SLC35F1: variants seen among roughly 807,000 people sequenced by gnomAD.
SLC35F1 encodes solute carrier family 35 member F1.
Under a neutral mutation model 48.7 loss-of-function variants are expected in SLC35F1, and 14 were observed. The observed-to-expected ratio is 0.29, with a 90% confidence interval of 0.19 to 0.45. The LOEUF (loss-of-function observed/expected upper bound fraction) is 0.45, where lower values mean the gene tolerates loss of function less well. Among genes scored for constraint, SLC35F1 ranks in the 20% least tolerant of loss-of-function variants. The probability of loss-of-function intolerance (pLI) is 1.00; values close to 1 mark genes in which losing one functional copy is unlikely to be tolerated. For synonymous variants in SLC35F1, 190 were observed against 202.2 expected (o/e 0.94, Z 0.51); for missense variants, 404 against 500.0 (o/e 0.81, Z 1.83).
rs374014756 is a variant in SLC35F1 at position 118,002,372 on chromosome 6, G to T, written c.173+94473G>T. On this transcript the variant is annotated intron_variant, in intron 1 of 7. Coordinates refer to ENST00000360388, the MANE Select transcript of SLC35F1 (RefSeq NM_001029858.4). ...AAGGACAAAAAACCAAACACCGCAT[G>T]TTCTCACTCATAGGTGGGAACTGAA... Among the ~76,000 whole-genome samples, 28 of 151,538 alleles carry T rather than the reference G, an allele frequency of 1.8e-4. No homozygotes were observed. In the South Asian group the frequency reaches 5.8e-3, roughly 32 times the overall value.
intron 2 of SLC35F1, among the ~76,000 whole-genome samples, chr6:118,201,752 C>T (rs2114536465): frequency 6.6e-6 from 1 of 152,288 alleles, no homozygotes; most frequent in South Asian, 2.1e-4. Context: ...TCCCATACCC[C>T]ATTGGTATGA....
intron 1 of SLC35F1, among the ~76,000 whole-genome samples, chr6:118,001,053 C>T (rs1188387742): frequency 3.3e-5 from 5 of 151,922 alleles, no homozygotes; most frequent in Admixed American, 6.6e-5. Flanking sequence ...CAATGCCATC[C>T]CCATCAAGCT....
intron 1 of SLC35F1, chr6:117,998,997 C>G: frequency 7.9e-7 from 1 of 1,263,096 alleles, no homozygotes. Flanking sequence ...AAGAACCACA[C>G]CACACACAAC....
At chr6:117,980,517 G>A (rs1776763254) in intron 1 of SLC35F1, among the ~76,000 whole-genome samples, 1 of 152,116 alleles carries the variant, frequency 6.6e-6, no homozygotes, top group African/African-American at 2.4e-5. Context: ...ATAAGATAAA[G>A]AGAAAATGGA....
At chr6:118,159,201 A>G (rs1349893345) in intron 2 of SLC35F1, among the ~76,000 whole-genome samples, 1 of 133,066 alleles carries the variant, frequency 7.5e-6, no homozygotes, top group Non-Finnish European at 1.6e-5. Flanking sequence ...AGCCTGGGCC[A>G]TAGAGCGAGA....
chr6:117,921,065 C>G (rs1416651341), intron 1 of SLC35F1, among the ~76,000 whole-genome samples: 1 of 91,348 alleles, frequency 1.1e-5, no homozygotes, highest in Admixed American at 1.2e-4. Context: ...CACACACACA[C>G]ACACACACAC....
chr6:118,188,841 C>T (rs1401128038), intron 2 of SLC35F1, among the ~76,000 whole-genome samples: 1 of 152,134 alleles, frequency 6.6e-6, no homozygotes, highest in Non-Finnish European at 1.5e-5. Context: ...CCAGAAAAGG[C>T]ATTTCTCGGT....
chr6:118,267,967 A>G (rs1011896254), intron 4 of SLC35F1, among the ~76,000 whole-genome samples: 5 of 152,164 alleles, frequency 3.3e-5, no homozygotes, highest in Admixed American at 3.3e-4. Context: ...TAGAAATGGG[A>G]TAGAAAGTAC....
At chr6:118,045,836 C>T (rs182622490) in intron 1 of SLC35F1, among the ~76,000 whole-genome samples, 61 of 152,288 alleles carry the variant, frequency 4.0e-4, no homozygotes, top group African/African-American at 1.4e-3. Flanking sequence ...TAATTTTTCT[C>T]CTTTCTTTTA....
At position 118,316,244 on chromosome 6, in the gene SLC35F1, C is replaced by A. The variant is rs187948511; in HGVS notation, c.*1992C>A. Reference sequence around the variant, plus strand: ...CTTGGAGATAGAGAAGAAAAATTATCTTCTCTGATATTCGGATGTAATGGT... The same window carrying A: ...CTTGGAGATAGAGAAGAAAAATTATATTCTCTGATATTCGGATGTAATGGT... On this transcript the variant is annotated 3_prime_UTR_variant, in exon 8 of 8. Coordinates refer to ENST00000360388, the MANE Select transcript of SLC35F1 (RefSeq NM_001029858.4). 21 of 152,408 alleles carry A rather than the reference C, an allele frequency of 1.4e-4. No individual in the cohort carries two copies. The highest frequency in any genetic ancestry group is 1.4e-3 in the Admixed American group (21 of 15,304). The allele number at this position is 152,408 out of a possible 1,614,324, so 9.4% of individuals were successfully genotyped here.
At chr6:118,262,026 A>T (rs1022662773) in intron 3 of SLC35F1, among the ~76,000 whole-genome samples, 5 of 152,176 alleles carry the variant, frequency 3.3e-5, no homozygotes, top group Non-Finnish European at 7.3e-5. Context: ...ACCGGGATAC[A>T]ATTGGGGAGA....
At chr6:118,001,842 A>G (rs1024602753) in intron 1 of SLC35F1, among the ~76,000 whole-genome samples, 11 of 152,078 alleles carry the variant, frequency 7.2e-5, no homozygotes, top group African/African-American at 2.7e-4. Context: ...CAAAAAACAT[A>G]TGAAAAAATG....
intron 1 of SLC35F1, among the ~76,000 whole-genome samples, chr6:117,910,599 T>C (rs1463702965): frequency 6.6e-6 from 1 of 152,200 alleles, no homozygotes; most frequent in Non-Finnish European, 1.5e-5. Flanking sequence ...CCTCCAACTT[T>C]TGACATGCAG....
rs147747986 is a variant in SLC35F1 at position 118,045,032 on chromosome 6, T to C, written c.174-109413T>C. On this transcript the variant is annotated intron_variant, in intron 1 of 7. Coordinates refer to ENST00000360388, the MANE Select transcript of SLC35F1 (RefSeq NM_001029858.4). ...ACGCTTCCAAATGAAGTCTTACATA[T>C]ACTAGTAGGTATGATGAGAAGTTTT... is the stretch of plus-strand genomic sequence containing the variant. Among the ~76,000 whole-genome samples, 243 of 152,320 alleles carry C rather than the reference T, an allele frequency of 1.6e-3. 2 individuals are homozygous for C. Among genetic ancestry groups the C allele is most frequent in the African/African-American group, 5.6e-3 (232 of 41,568 alleles).
At chr6:118,226,414 G>A (rs565372813) in intron 2 of SLC35F1, among the ~76,000 whole-genome samples, 55 of 152,076 alleles carry the variant, frequency 3.6e-4, no homozygotes, top group Non-Finnish European at 7.6e-4. Flanking sequence ...GCGTTTCTGT[G>A]TTTATTGCAG....
chr6:118,184,088 C>G (rs55897507), intron 2 of SLC35F1, among the ~76,000 whole-genome samples: 20,348 of 152,070 alleles, frequency 0.13, 1,630 homozygotes, highest in Non-Finnish European at 0.18. Context: ...ATTTAGAAAA[C>G]AGCAATTTCT....
At chr6:118,204,643 T>C (rs909917091) in intron 2 of SLC35F1, among the ~76,000 whole-genome samples, 7 of 152,198 alleles carry the variant, frequency 4.6e-5, no homozygotes, top group African/African-American at 1.4e-4. Context: ...AGAGTTTTTC[T>C]TTCTTTCTCT....
At chr6:118,186,298 G>C (rs1774656008) in intron 2 of SLC35F1, among the ~76,000 whole-genome samples, 1 of 152,088 alleles carries the variant, frequency 6.6e-6, no homozygotes, top group African/African-American at 2.4e-5. Context: ...GCCCAGCACA[G>C]CACCTGCCAT....
intron 2 of SLC35F1, among the ~76,000 whole-genome samples, chr6:118,167,533 T>C (rs205951): frequency 0.018 from 2,761 of 152,286 alleles, 74 homozygotes; most frequent in African/African-American, 0.063. Context: ...ATAATGAGTA[T>C]ATATTTGTGT....
Sources: allele counts gnomAD v4.1 joint callset (sites outside exome capture counted in the v4.1 genomes callset), GRCh38; gene constraint gnomAD v4.1.1; transcripts MANE v1.5; gene names NCBI Gene and HGNC (gene_info 2026-07-23, HGNC 2026-07-21).